The following SPEF2 variants were observed in gnomAD, a reference collection of about 807,000 sequenced individuals.
SPEF2 encodes sperm flagella and cilia-associated protein 2.
Under a neutral mutation model 224.6 loss-of-function variants are expected in SPEF2, and 187 were observed. That is an observed-to-expected ratio of 0.83 (90% CI 0.74 to 0.94). The LOEUF (loss-of-function observed/expected upper bound fraction) is 0.94, where lower values mean the gene tolerates loss of function less well. Ranked by LOEUF, SPEF2 falls within the 40% of genes least tolerant of loss-of-function variation. The pLI is 0.00. For missense variants in SPEF2, 2,170 were observed against 2,135.6 expected (o/e 1.02, Z -0.32); for synonymous variants, 715 against 707.3 (o/e 1.01, Z -0.17).
At chr5:35,642,731 T>C (rs563859407) in intron 3 of SPEF2, among the ~76,000 whole-genome samples, 1 of 152,278 alleles carries the variant, frequency 6.6e-6, no homozygotes, top group Non-Finnish European at 1.5e-5. Flanking sequence ...TGATGCAAAA[T>C]AGTAAATATC....
intron 20 of SPEF2, among the ~76,000 whole-genome samples, chr5:35,726,347 T>G (rs34181885): frequency 0.25 from 38,387 of 152,142 alleles, 5,222 homozygotes; most frequent in African/African-American, 0.35. Flanking sequence ...AAATTGATCA[T>G]AGAGTTATCA....
intron 21 of SPEF2, among the ~76,000 whole-genome samples, chr5:35,730,722 G>T (rs1461923086): frequency 1.3e-5 from 2 of 152,194 alleles, no homozygotes; most frequent in Non-Finnish European, 2.9e-5. Context: ...AATAAAGGAG[G>T]TGTAATAGTA....
intron 30 of SPEF2, chr5:35,789,202 A>G (rs899267477): frequency 1.4e-5 from 10 of 702,728 alleles, no homozygotes; most frequent in Non-Finnish European, 2.3e-5. Context: ...AACCCAAAGA[A>G]CTTCTGGAGT....
chr5:35,787,947 G>T (rs774401220), intron 30 of SPEF2: 1 of 629,798 alleles, frequency 1.6e-6, no homozygotes, highest in Non-Finnish European at 2.8e-6. Context: ...CTTCCAAAAA[G>T]AAGCCATCAA....
chr5:35,675,627 G>A lies in SPEF2; in HGVS notation c.1524+5400G>A, dbSNP rs1751879623. 2.4e-5 allele frequency: 4 copies of A among 169,986 alleles called. No individual in the cohort carries two copies. The South Asian group carries it at 5.7e-4, about 24-fold the overall frequency. The allele number at this position is 169,986 out of a possible 1,614,324, so 10.5% of individuals were successfully genotyped here. Reference sequence around the variant, plus strand: ...GCAATCTCGGCTGGCTGCAAGCTCCGCCTCCCTCCCAGTAGCCAGGACTAC... The same window carrying A: ...GCAATCTCGGCTGGCTGCAAGCTCCACCTCCCTCCCAGTAGCCAGGACTAC... On this transcript the variant is annotated intron_variant, in intron 10 of 36. Transcript: ENST00000356031.
chr5:35,763,046 C>T (rs1751547646), intron 25 of SPEF2, among the ~76,000 whole-genome samples: 2 of 152,148 alleles, frequency 1.3e-5, no homozygotes, highest in African/African-American at 4.8e-5. Context: ...CAGGTGTGTT[C>T]AATGTGGTAT....
intron 20 of SPEF2, among the ~76,000 whole-genome samples, chr5:35,720,058 G>C (rs914475067): frequency 6.6e-6 from 1 of 152,148 alleles, no homozygotes; most frequent in African/African-American, 2.4e-5. Context: ...TCAAAGCCTA[G>C]GTAAAATAAC....
chr5:35,694,913 GA>G (rs1255110825), intron 13 of SPEF2, among the ~76,000 whole-genome samples: 1 of 152,142 alleles, frequency 6.6e-6, no homozygotes, highest in African/African-American at 2.4e-5. Flanking sequence ...ATCCTTTGTA[GA>G]ACCATTGAAG....
chr5:35,789,863 A>G (rs919959630), intron 30 of SPEF2: 1 of 702,924 alleles, frequency 1.4e-6, no homozygotes, highest in African/African-American at 1.7e-5. Flanking sequence ...AGAAGCTGCC[A>G]ATGTGAAACT....
At position 35,795,910 on chromosome 5, in the gene SPEF2, G is replaced by A. The variant is rs568977822; in HGVS notation, c.4830+115G>A. The stretch of plus-strand genomic sequence containing the variant: ...TGCACCCCTGCCCCTCAATTCCTCT[G>A]CTGCCTCTCCAAAGTGCAGACCTTA... On this transcript the variant is annotated intron_variant, in intron 33 of 36. Transcript: ENST00000356031. 174 of 872,698 alleles carry A rather than the reference G, an allele frequency of 2.0e-4. No homozygotes were observed. The African/African-American group carries it at 2.8e-3, about 14-fold the overall frequency. 54.1% of individuals were successfully genotyped at this position (872,698 alleles called of 1,614,324 possible).
At chr5:35,695,426 C>G (rs553523457) in intron 13 of SPEF2, among the ~76,000 whole-genome samples, 1 of 151,882 alleles carries the variant, frequency 6.6e-6, no homozygotes, top group African/African-American at 2.4e-5. Context: ...TTCTGAAAAG[C>G]GAACCCCGAC....
chr5:35,773,680 TTA>T (rs1266019781), intron 27 of SPEF2, among the ~76,000 whole-genome samples: 3 of 152,162 alleles, frequency 2.0e-5, no homozygotes, highest in Non-Finnish European at 4.4e-5. Flanking sequence ...TGGGGCGTTT[TTA>T]TATGAGTCCA....
At chr5:35,643,451 A>C (rs1380747954) in intron 3 of SPEF2, 1 of 455,870 alleles carries the variant, frequency 2.2e-6, no homozygotes, top group Non-Finnish European at 4.4e-6. Flanking sequence ...AGAAGAGAAC[A>C]GTAGGAGAGA....
intron 10 of SPEF2, among the ~76,000 whole-genome samples, chr5:35,690,606 G>A (rs1043689213): frequency 6.6e-6 from 1 of 152,018 alleles, no homozygotes; most frequent in Non-Finnish European, 1.5e-5. Flanking sequence ...AATAAAGCGG[G>A]AGTTAAACAC....
chr5:35,644,648 T>A, intron 4 of SPEF2, 123 bp downstream of exon 4: 2 of 669,586 alleles, frequency 3.0e-6, no homozygotes, highest in Non-Finnish European at 4.6e-6. Context: ...GATGCATGAC[T>A]TTGTCCTGCC....
At chr5:35,803,462 A>G (rs1757705069) in intron 34 of SPEF2, among the ~76,000 whole-genome samples, 1 of 152,210 alleles carries the variant, frequency 6.6e-6, no homozygotes, top group South Asian at 2.1e-4. Flanking sequence ...GAGGAACTGA[A>G]CCAAGAACAC....
At chr5:35,757,834 A>G (rs1750672077) in intron 24 of SPEF2, among the ~76,000 whole-genome samples, 1 of 152,232 alleles carries the variant, frequency 6.6e-6, no homozygotes, top group Non-Finnish European at 1.5e-5. Context: ...ACTATTAAAA[A>G]TGTTCTATAA....
intron 1 of SPEF2, among the ~76,000 whole-genome samples, chr5:35,627,130 G>A (rs549854197): frequency 6.6e-6 from 1 of 151,808 alleles, no homozygotes; most frequent in African/African-American, 2.4e-5. Context: ...TTGAATATCT[G>A]TGGAGGATTT....
intron 12 of SPEF2, 77 bp downstream of exon 12, chr5:35,692,801 C>A: frequency 7.1e-7 from 1 of 1,416,266 alleles, no homozygotes; most frequent in Non-Finnish European, 9.6e-7. Flanking sequence ...AAAAGGTCTT[C>A]TCTAGACCAG....
Sources: allele counts gnomAD v4.1 joint callset (sites outside exome capture counted in the v4.1 genomes callset), GRCh38; gene constraint gnomAD v4.1.1; transcripts MANE v1.5; gene names NCBI Gene and HGNC (gene_info 2026-07-23, HGNC 2026-07-21).